The following HGF variants were observed in gnomAD, a reference collection of about 807,000 sequenced individuals.
The protein encoded by HGF is fibroblast-derived tumor cytotoxic factor.
HGF carries 39 observed loss-of-function variants against 111.6 expected under a neutral mutation model. That is an observed-to-expected ratio of 0.35 (90% CI 0.27 to 0.46). The LOEUF (loss-of-function observed/expected upper bound fraction) is 0.46, where lower values mean the gene tolerates loss of function less well. Among genes scored for constraint, HGF ranks in the 20% least tolerant of loss-of-function variants. The pLI is 1.00. For missense variants in HGF, 735 were observed against 910.5 expected (o/e 0.81, Z 2.48); for synonymous variants, 285 against 294.8 (o/e 0.97, Z 0.34).
intron 9 of HGF, 108 bp from the exon 10 acceptor site, chr7:81,720,955 A>C (rs1183922818): frequency 6.9e-6 from 5 of 721,694 alleles, no homozygotes; most frequent in Non-Finnish European, 1.2e-5. Context: ...AAATTAAAGT[A>C]CTTGAAAGGG....
chr7:81,739,515 T>C (rs1024048928), intron 7 of HGF, among the ~76,000 whole-genome samples: 4 of 151,808 alleles, frequency 2.6e-5, no homozygotes, highest in Non-Finnish European at 5.9e-5. Context: ...AGCATGAATA[T>C]ATGTTTAATG....
At chr7:81,729,561 C>T (rs771731982) in intron 8 of HGF, 44 bp downstream of exon 8, 2 of 1,458,886 alleles carry the variant, frequency 1.4e-6, no homozygotes, top group South Asian at 2.3e-5. Flanking sequence ...CCTCATTTTC[C>T]CCAGGGCCTA....
chr7:81,749,665 A>G (rs1788412096), intron 5 of HGF, among the ~76,000 whole-genome samples: 1 of 152,042 alleles, frequency 6.6e-6, no homozygotes, highest in Admixed American at 6.6e-5. Context: ...CAATAGATCT[A>G]TTGAACTTAT....
At chr7:81,712,932 G>C (rs1789609756) in intron 11 of HGF, among the ~76,000 whole-genome samples, 1 of 152,098 alleles carries the variant, frequency 6.6e-6, no homozygotes, top group Non-Finnish European at 1.5e-5. Context: ...CTCTTTCCCT[G>C]TAGCTTATCC....
chr7:81,727,260 G>T (rs910795060), intron 8 of HGF, among the ~76,000 whole-genome samples: 1 of 151,282 alleles, frequency 6.6e-6, no homozygotes, highest in Admixed American at 6.6e-5. Flanking sequence ...AGCCAGGATG[G>T]TCTCAATCTC....
intron 5 of HGF, among the ~76,000 whole-genome samples, chr7:81,750,385 A>G (rs995725096): frequency 6.6e-5 from 10 of 152,168 alleles, no homozygotes; most frequent in Non-Finnish European, 1.3e-4. Flanking sequence ...CAGAAAGAAC[A>G]TGTCTGCAAC....
chr7:81,733,479 T>C (rs887780578), intron 7 of HGF, among the ~76,000 whole-genome samples: 21 of 152,058 alleles, frequency 1.4e-4, no homozygotes, highest in African/African-American at 4.6e-4. Context: ...TTTTAATTCA[T>C]TGGAAATATT....
At chr7:81,767,103 C>A (rs1789394149) in intron 1 of HGF, among the ~76,000 whole-genome samples, 1 of 152,172 alleles carries the variant, frequency 6.6e-6, no homozygotes, top group Non-Finnish European at 1.5e-5. Context: ...TACCATCCAT[C>A]TTTTCATATG....
chr7:81,743,242 C>T, intron 7 of HGF, 111 bp downstream of exon 7: 1 of 806,614 alleles, frequency 1.2e-6, no homozygotes, highest in East Asian at 2.4e-5. Context: ...TTAAAACCTG[C>T]ACACATTAAA....
Position 81,720,740 on chromosome 7 carries a change from C to T in HGF, c.1271+5G>A. On this transcript the variant is annotated splice_donor_5th_base_variant and intron_variant, in intron 10 of 17. Transcript: ENST00000222390. Reference sequence around the variant, plus strand: ...CTATATATTGAAAGGAAGAAATTTACACACCGATGTAAGTCTTCCATGTTC... The same window carrying T: ...CTATATATTGAAAGGAAGAAATTTATACACCGATGTAAGTCTTCCATGTTC... The T allele has an allele frequency of 6.5e-7, 1 of 1,550,000 alleles. No homozygotes were observed. Among genetic ancestry groups the T allele is most frequent in the Non-Finnish European group, 8.9e-7 (1 of 1,121,674 alleles).
chr7:81,705,589 A>G, intron 16 of HGF, 54 bp from the exon 17 acceptor site: 1 of 1,602,292 alleles, frequency 6.2e-7, no homozygotes, highest in Non-Finnish European at 8.5e-7. Context: ...AAACAAAGAC[A>G]AATGTGTTCT....
In HGF at chr7:81,729,396, G is replaced by A. The variant is rs5745690; in HGVS notation, c.1040+209C>T. Among the ~76,000 whole-genome samples the A allele has an allele frequency of 0.82, 125,042 of 152,070 alleles. 51,874 individuals carry two copies. The highest frequency in any genetic ancestry group is 0.92 in the African/African-American group (38,387 of 41,518). ...TACCCTCTGGATCTGAACCACCTAGGGTCCTTAATGAAATGCATATTTGAG... is the reference window on the plus strand; with the variant it reads ...TACCCTCTGGATCTGAACCACCTAGAGTCCTTAATGAAATGCATATTTGAG... On this transcript the variant is annotated intron_variant, in intron 8 of 17. Transcript: ENST00000222390.
chr7:81,723,087 G>A (rs577418265), intron 9 of HGF, among the ~76,000 whole-genome samples: 43 of 151,974 alleles, frequency 2.8e-4, no homozygotes, highest in Non-Finnish European at 4.3e-4. Context: ...GTACCCGGGC[G>A]ATGAAATTGT....
rs2116124768 is a variant in HGF, at chr7:81,752,276, G to C, written c.483-14C>G. On this transcript the variant is annotated splice_polypyrimidine_tract_variant and intron_variant, in intron 4 of 17. Transcript: ENST00000222390. The stretch of plus-strand genomic sequence containing the variant: ...GAAGGCAAAAAGCTAGTTTTAAAAT[G>C]ATAATCATTACAGTATAAGAGCATG... 6.2e-7 allele frequency: 1 copy of C among 1,612,090 alleles called. No individual in the cohort carries two copies.
intron 4 of HGF, chr7:81,755,931 C>A: frequency 1.5e-6 from 1 of 686,104 alleles, no homozygotes; most frequent in Non-Finnish European, 2.7e-6. Context: ...CAGTGTGGAG[C>A]AACAAACTCT....
intron 17 of HGF, among the ~76,000 whole-genome samples, chr7:81,703,841 TA>T (rs1373805759): frequency 4.0e-5 from 6 of 151,680 alleles, no homozygotes; most frequent in African/African-American, 1.2e-4. Context: ...AAAACCAAGT[TA>T]GGGGTAAAGT....
At chr7:81,711,412 G>C (rs936053876) in intron 12 of HGF, 69 bp downstream of exon 12, 3 of 799,886 alleles carry the variant, frequency 3.8e-6, no homozygotes, top group African/African-American at 3.5e-5. Flanking sequence ...TTCTTTGAAA[G>C]AAATAATGAC....
intron 7 of HGF, among the ~76,000 whole-genome samples, chr7:81,730,979 G>A (rs1583954285): frequency 1.3e-5 from 2 of 152,256 alleles, no homozygotes; most frequent in South Asian, 4.1e-4. Flanking sequence ...AGTGACTAGG[G>A]ATGCCTATGA....
chr7:81,705,814 T>C, intron 15 of HGF, 61 bp from the exon 16 acceptor site: 6 of 972,268 alleles, frequency 6.2e-6, no homozygotes, highest in African/African-American at 3.3e-5. Flanking sequence ...AATTAACATA[T>C]TAAATGTAGT....
Sources: gnomAD v4.1 joint callset for allele counts (sites outside exome capture counted in the v4.1 genomes callset) on GRCh38, gnomAD v4.1.1 for gene constraint, MANE v1.5 for transcripts, NCBI Gene and HGNC (gene_info 2026-07-23, HGNC 2026-07-21) for gene names.